Variants in OSBPL9 observed in about 807,000 individuals in gnomAD.
The protein encoded by OSBPL9 is oxysterol-binding protein-related protein 9.
Under a neutral mutation model 106.6 loss-of-function variants are expected in OSBPL9, and 40 were observed. The observed-to-expected ratio is 0.38, with a 90% CI of 0.29 to 0.49. The LOEUF is 0.49. Ranked by LOEUF, OSBPL9 falls within the 20% of genes least tolerant of loss-of-function variation. The probability of loss-of-function intolerance (pLI) is 0.97; values close to 1 mark genes in which losing one functional copy is unlikely to be tolerated. For synonymous variants in OSBPL9, 269 were observed against 295.4 expected (o/e 0.91, Z 0.92); for missense variants, 609 against 887.2 (o/e 0.69, Z 3.98).
intron 1 of OSBPL9, among the ~76,000 whole-genome samples, chr1:51,649,299 GT>G (rs1447788148): frequency 2.0e-5 from 3 of 152,020 alleles, no homozygotes; most frequent in Non-Finnish European, 4.4e-5. Flanking sequence ...TAGAGATAGG[GT>G]TTCACCACGT....
intron 4 of OSBPL9, 97 bp downstream of exon 4, chr1:51,714,176 T>G: frequency 1.2e-6 from 1 of 841,164 alleles, no homozygotes; most frequent in Non-Finnish European, 1.8e-6. Flanking sequence ...TGTGGTATGA[T>G]GTAATAGGAA....
In OSBPL9 at chr1:51,748,630, C is replaced by T. The variant is rs544035710; in HGVS notation, c.492+232C>T. Among the ~76,000 whole-genome samples, 13 of 152,052 alleles carry T rather than the reference C, an allele frequency of 8.5e-5. No homozygotes were observed. The South Asian group carries it at 2.7e-3, about 32-fold the overall frequency. ...TGTACCATTTACCTGTTTCTGGTCT[C>T]GTTTGAAATCTTGATAAAAGGTGTC... On this transcript the variant is annotated intron_variant, in intron 7 of 23. Coordinates refer to ENST00000428468, the MANE Select transcript of OSBPL9 (RefSeq NM_024586.6).
At chr1:51,647,624 TG>T (rs1382812172) in intron 1 of OSBPL9, among the ~76,000 whole-genome samples, 2 of 152,198 alleles carry the variant, frequency 1.3e-5, no homozygotes, top group African/African-American at 4.8e-5. Flanking sequence ...TAGTCAGTTT[TG>T]GCAGTTTATA....
intron 3 of OSBPL9, among the ~76,000 whole-genome samples, chr1:51,672,055 G>A (rs1442959521): frequency 6.6e-6 from 1 of 152,180 alleles, no homozygotes; most frequent in African/African-American, 2.4e-5. Context: ...GACACAGGAA[G>A]TCCAACCATA....
the OSBPL9 span, chr1:51,566,064 G>C: frequency 6.6e-6 from 1 of 152,212 alleles, no homozygotes; most frequent in Admixed American, 6.5e-5. Flanking sequence ...TCTAACGCAT[G>C]TATGCTTGGG....
At chr1:51,715,201 A>G (rs949887881) in intron 4 of OSBPL9, among the ~76,000 whole-genome samples, 23 of 152,224 alleles carry the variant, frequency 1.5e-4, no homozygotes, top group African/African-American at 5.3e-4. Flanking sequence ...ACTTGAAAGT[A>G]TTCAGTAGAG....
chr1:51,581,453 C>T (rs1412725260), intron 1 of OSBPL9, among the ~76,000 whole-genome samples: 1 of 152,156 alleles, frequency 6.6e-6, no homozygotes, highest in East Asian at 1.9e-4. Context: ...CCCCTTCTTT[C>T]CATACTGCAC....
At chr1:51,533,319 T>TA in the OSBPL9 span, among the ~76,000 whole-genome samples, 15 of 150,740 alleles carry the variant, frequency 1.0e-4, no homozygotes, top group African/African-American at 2.4e-4. Context: ...CCATCTCTAC[T>TA]AAAAAAAATA....
At position 51,590,244 on chromosome 1, in the gene OSBPL9, G is replaced by A. The variant is rs139138791; in HGVS notation, c.-422-7880G>A. On this transcript the variant is annotated intron_variant, in intron 1 of 25. Transcript: ENST00000371714. ...CAAAGGGAAAGCAGAAACAGAAGCA[G>A]AGGCCATTCAAATTACTGCAGTAGT... Among the ~76,000 whole-genome samples the A allele has an allele frequency of 3.5e-3, 533 of 152,174 alleles. 1 individual carries two copies. Among genetic ancestry groups the A allele is most frequent in the Middle Eastern group, 0.02 (6 of 294 alleles).
chr1:51,636,824 C>A (rs148150873), intron 1 of OSBPL9, among the ~76,000 whole-genome samples: 3 of 150,968 alleles, frequency 2.0e-5, no homozygotes, highest in African/African-American at 7.3e-5. Flanking sequence ...ATAAAATTGT[C>A]ATTTCCAAAA....
chr1:51,638,732 T>TC (rs1418048146), intron 1 of OSBPL9, among the ~76,000 whole-genome samples: 3 of 151,914 alleles, frequency 2.0e-5, no homozygotes, highest in Non-Finnish European at 4.4e-5. Context: ...ATTAGCTGGG[T>TC]GTGGTGGTGT....
intron 8 of OSBPL9, among the ~76,000 whole-genome samples, chr1:51,754,938 C>G (rs1252056761): frequency 6.6e-6 from 1 of 152,136 alleles, no homozygotes; most frequent in African/African-American, 2.4e-5. Flanking sequence ...ACCTGAGTAG[C>G]TGGGACTACA....
chr1:51,546,372 A>G, the OSBPL9 span, among the ~76,000 whole-genome samples: 1 of 152,162 alleles, frequency 6.6e-6, no homozygotes, highest in African/African-American at 2.4e-5. Flanking sequence ...TTTCTGTTCA[A>G]CAAAGAAGAT....
At chr1:51,766,372 C>CT in intron 12 of OSBPL9, among the ~76,000 whole-genome samples, 1 of 152,184 alleles carries the variant, frequency 6.6e-6, no homozygotes, top group South Asian at 2.1e-4. Context: ...GTTTCTATTA[C>CT]TTTTTTCTTT....
chr1:51,718,445 T>C (rs1044562261), intron 4 of OSBPL9, among the ~76,000 whole-genome samples: 2 of 152,234 alleles, frequency 1.3e-5, no homozygotes, highest in African/African-American at 4.8e-5. Context: ...TATCAAAATA[T>C]TTATACTCCA....
At chr1:51,739,766 G>A (rs1163835239) in intron 4 of OSBPL9, among the ~76,000 whole-genome samples, 1 of 151,882 alleles carries the variant, frequency 6.6e-6, no homozygotes, top group Non-Finnish European at 1.5e-5. Flanking sequence ...ATAAACCACG[G>A]GGACAGTAGG....
chr1:51,580,938 A>G (rs1255082022), intron 1 of OSBPL9, among the ~76,000 whole-genome samples: 4 of 660 alleles, frequency 6.1e-3, no homozygotes, highest in Non-Finnish European at 0.017. Context: ...ATATATATAT[A>G]TATATATATA....
chr1:51,662,775 C>CG (rs1388230734), intron 2 of OSBPL9, among the ~76,000 whole-genome samples: 2 of 137,788 alleles, frequency 1.5e-5, no homozygotes, highest in East Asian at 4.2e-4. Context: ...GACAGAGTCT[C>CG]GCTCTGTCGC....
At chr1:51,692,169 C>T (rs909122547) in intron 3 of OSBPL9, among the ~76,000 whole-genome samples, 4 of 151,908 alleles carry the variant, frequency 2.6e-5, no homozygotes, top group Admixed American at 6.6e-5. Flanking sequence ...ATTAGCCAGG[C>T]GTGGTAGCAT....
Sources: allele counts gnomAD v4.1 joint callset (sites outside exome capture counted in the v4.1 genomes callset), GRCh38; gene constraint gnomAD v4.1.1; transcripts MANE v1.5; gene names NCBI Gene and HGNC (gene_info 2026-07-23, HGNC 2026-07-21).